The following RABGGTB variants were observed in gnomAD, a reference collection of about 807,000 sequenced individuals.
RABGGTB encodes geranylgeranyl transferase type-2 subunit beta.
In RABGGTB, 20 loss-of-function variants were observed where a neutral mutation model predicts 44.5. That is an observed-to-expected ratio of 0.45 (90% CI 0.32 to 0.65). The LOEUF is 0.65. Among genes scored for constraint, RABGGTB ranks in the 30% least tolerant of loss-of-function variants. The pLI, the probability that RABGGTB is intolerant of heterozygous loss-of-function variation, is 0.05. For missense variants in RABGGTB, 302 were observed against 398.7 expected (o/e 0.76, Z 2.06); for synonymous variants, 128 against 136.7 (o/e 0.94, Z 0.44).
chr1:75,791,987 A>C, intron 6 of RABGGTB, 194 bp from the exon 7 acceptor site: 1 of 497,834 alleles, frequency 2.0e-6, no homozygotes, highest in Non-Finnish European at 3.5e-6. Flanking sequence ...ATAATATTTC[A>C]GTGCAGAATT....
intron 1 of RABGGTB, 150 bp from the exon 2 acceptor site, chr1:75,787,347 C>T: frequency 3.1e-6 from 2 of 647,012 alleles, no homozygotes; most frequent in Non-Finnish European, 5.4e-6. Flanking sequence ...CTACCTCAGC[C>T]TCCCTAGTTA....
intron 1 of RABGGTB, 126 bp from the exon 2 acceptor site, chr1:75,787,371 A>T: frequency 1.3e-6 from 1 of 747,878 alleles, no homozygotes; most frequent in Non-Finnish European, 2.2e-6. Context: ...ACAATTTTTA[A>T]ATGGAACGTT....
rs1234404599 is a variant in RABGGTB at position 75,794,642 on chromosome 1, G to T, written c.988G>T (p.Val330Leu). 6.2e-7 allele frequency: 1 copy of T among 1,605,234 alleles called. No individual in the cohort carries two copies. Among genetic ancestry groups the T allele is most frequent in the African/African-American group, 1.3e-5 (1 of 74,772 alleles). Residue 330 changes from valine (V) to leucine (L), a missense_variant, in exon 9 of 9, where the codon GTG becomes TTG. Coordinates refer to ENST00000319942, the MANE Select transcript of RABGGTB (RefSeq NM_004582.4). ...LQRVNVQPEL[V>L]S The stretch of plus-strand genomic sequence containing the variant: ...GAGAGTGAATGTTCAGCCTGAGCTA[G>T]TGAGCTAGATTCATTGAATTGAAAG...
At chr1:75,790,217 T>C in intron 4 of RABGGTB, 160 bp downstream of exon 4, 1 of 1,432,064 alleles carries the variant, frequency 7.0e-7, no homozygotes, top group Admixed American at 2.9e-5. Flanking sequence ...TGCACTGTGG[T>C]AGTTATATCA....
intron 7 of RABGGTB, 144 bp from the exon 8 acceptor site, chr1:75,793,940 A>G (rs534375694): frequency 1.4e-6 from 1 of 734,364 alleles, no homozygotes; most frequent in East Asian, 2.6e-5. Flanking sequence ...GCATATCAGT[A>G]TATCCCTGGA....
chr1:75,787,385 C>T (rs1649521552), intron 1 of RABGGTB, 112 bp from the exon 2 acceptor site: 1 of 808,310 alleles, frequency 1.2e-6, no homozygotes, highest in Admixed American at 2.5e-5. Flanking sequence ...GAACGTTTTC[C>T]TATTACAAGA....
chr1:75,792,128 C>A, intron 6 of RABGGTB, 53 bp from the exon 7 acceptor site: 1 of 1,495,000 alleles, frequency 6.7e-7, no homozygotes, highest in Non-Finnish European at 9.2e-7. Context: ...AGTTTTATCA[C>A]TTTTAATGTC....
At chr1:75,790,406 TA>T (rs1441216480) in intron 4 of RABGGTB, 1 of 1,132,602 alleles carries the variant, frequency 8.8e-7, no homozygotes, top group African/African-American at 1.6e-5. Context: ...AGGGAGGGAA[TA>T]GAATTTTATT....
chr1:75,794,287 T>G, intron 8 of RABGGTB, 54 bp downstream of exon 8: 1 of 1,541,904 alleles, frequency 6.5e-7, no homozygotes, highest in Non-Finnish European at 8.8e-7. Context: ...TTGCATTACT[T>G]CATGGTTCCA....
At chr1:75,791,235 C>G (rs765851245) in intron 4 of RABGGTB, 50 bp from the exon 5 acceptor site, 38 of 1,454,298 alleles carry the variant, frequency 2.6e-5, no homozygotes, top group Non-Finnish European at 3.5e-5. Flanking sequence ...TTAGATGACT[C>G]ATGTATGATT....
rs770306662 is a variant in RABGGTB, at chr1:75,794,074, T to C, written c.706-10T>C. The C allele has an allele frequency of 5.2e-6, 8 of 1,545,492 alleles. No homozygotes were observed. The Admixed American group carries it at 1.6e-4, about 32-fold the overall frequency. On this transcript the variant is annotated splice_polypyrimidine_tract_variant and intron_variant, in intron 7 of 8. Transcript: ENST00000319942. ...GAGAATGAAATTGTGGCAACTTTTTTCCCTCCTAGTTACCAGATGTATGCT... is the reference window on the plus strand; with the variant it reads ...GAGAATGAAATTGTGGCAACTTTTTCCCCTCCTAGTTACCAGATGTATGCT...
intron 4 of RABGGTB, 47 bp from the exon 5 acceptor site, chr1:75,791,238 G>T (rs1392880998): frequency 6.7e-7 from 1 of 1,484,892 alleles, no homozygotes; most frequent in Admixed American, 1.7e-5. Flanking sequence ...GATGACTCAT[G>T]TATGATTTGG....
chr1:75,788,825 G>T, intron 2 of RABGGTB: 1 of 292,672 alleles, frequency 3.4e-6, no homozygotes, highest in South Asian at 5.4e-5. Flanking sequence ...TAGGTACTCG[G>T]AAAGAAATAC....
chr1:75,793,214 G>A (rs1031988821), intron 7 of RABGGTB, among the ~76,000 whole-genome samples: 1 of 152,116 alleles, frequency 6.6e-6, no homozygotes, highest in African/African-American at 2.4e-5. Context: ...TGAATGGGAC[G>A]TGGTGGTACA....
intron 6 of RABGGTB, 138 bp from the exon 7 acceptor site, chr1:75,792,043 T>A (rs1373766189): frequency 4.3e-6 from 3 of 704,860 alleles, no homozygotes; most frequent in Non-Finnish European, 6.9e-6. Flanking sequence ...TATGTGGTAT[T>A]AATACATGTT....
chr1:75,794,155 TAGAG>T lies in RABGGTB; in HGVS notation c.781_784del (p.Glu261AsnfsTer7), dbSNP rs754317252. ...TAATTGGAAGACTTCATTGGATTGA[TAGAG>T]AGAAACTGCGTAATTTCATTTTAGC... is the stretch of plus-strand genomic sequence containing the variant. On this transcript the variant is annotated frameshift_variant, in exon 8 of 9. Transcript: ENST00000319942. LOFTEE classifies it high-confidence loss of function. The T allele has an allele frequency of 9.3e-6, 15 of 1,613,838 alleles. No homozygotes were observed. The highest frequency in any genetic ancestry group is 2.2e-5 in the East Asian group (1 of 44,870).
chr1:75,793,904 C>T, intron 7 of RABGGTB, 180 bp from the exon 8 acceptor site: 2 of 558,502 alleles, frequency 3.6e-6, no homozygotes, highest in Non-Finnish European at 6.0e-6. Context: ...GATTATCTTT[C>T]ATTCTAAGCA....
chr1:75,791,309 T>C lies in RABGGTB; in HGVS notation c.440T>C (p.Phe147Ser). The C allele has an allele frequency of 6.2e-7, 1 of 1,611,302 alleles. No homozygotes were observed. Among genetic ancestry groups the C allele is most frequent in the Non-Finnish European group, 8.5e-7 (1 of 1,177,412 alleles). The change falls in exon 5 of 9, where the codon TTT becomes TCT. Residue 147 changes from phenylalanine to serine, a missense_variant. This residue lies in a region of RABGGTB where 213 missense variants were observed against 323.7 expected (regional missense o/e 0.66). Coordinates refer to ENST00000319942, the MANE Select transcript of RABGGTB (RefSeq NM_004582.4). ...IWGEIDTRFS[F>S]CAVATLALLG... is the part of the protein sequence containing the mutation. ...GGAGAAATTGACACAAGATTCTCTT[T>C]TTGTGCGGTGGCAACTTTGGCTTTG...
intron 6 of RABGGTB, 49 bp downstream of exon 6, chr1:75,791,620 G>A: frequency 6.8e-7 from 1 of 1,480,994 alleles, no homozygotes; most frequent in South Asian, 1.2e-5. Flanking sequence ...GGAAGCCAGT[G>A]TAGTAAAATA....
Sources: gnomAD v4.1 joint callset for allele counts (sites outside exome capture counted in the v4.1 genomes callset) on GRCh38, gnomAD v4.1.1 for gene constraint, gnomAD v4.1.1 regional missense constraint, MANE v1.5 for transcripts, NCBI Gene and HGNC (gene_info 2026-07-23, HGNC 2026-07-21) for gene names.